Variants in TMEM232 observed in about 807,000 individuals in gnomAD.
The protein encoded by TMEM232 is transmembrane protein 232.
In TMEM232, 80 loss-of-function variants were observed where a neutral mutation model predicts 78.8. The ratio of observed to expected loss-of-function variants is 1.01; its 90% CI spans 0.85 to 1.22. The LOEUF (loss-of-function observed/expected upper bound fraction) is 1.22. Among genes scored for constraint, TMEM232 ranks in the 50% most tolerant of loss-of-function variants. The pLI is 0.00. For missense variants in TMEM232, 881 were observed against 742.2 expected (o/e 1.19, Z -2.17); for synonymous variants, 297 against 254.3 (o/e 1.17, Z -1.60).
chr5:110,618,278 C>T (rs1021364618), intron 8 of TMEM232, 151 bp downstream of exon 8: 5 of 938,774 alleles, frequency 5.3e-6, no homozygotes, highest in South Asian at 3.5e-5. Context: ...TAATACTAAA[C>T]ATGTAAATTG....
chr5:110,702,401 C>T (rs183382343), intron 1 of TMEM232, among the ~76,000 whole-genome samples: 2 of 152,108 alleles, frequency 1.3e-5, no homozygotes, highest in African/African-American at 4.8e-5. Flanking sequence ...CTCCTTAAGG[C>T]CACTCAGGAA....
chr5:110,620,760 T>C (rs1054634466), intron 7 of TMEM232, among the ~76,000 whole-genome samples: 4 of 151,606 alleles, frequency 2.6e-5, no homozygotes, highest in African/African-American at 7.3e-5. Flanking sequence ...CAGTAGAACA[T>C]TGACATCATC....
At chr5:110,665,902 A>G (rs573973886) in intron 2 of TMEM232, among the ~76,000 whole-genome samples, 1 of 151,660 alleles carries the variant, frequency 6.6e-6, no homozygotes, top group African/African-American at 2.4e-5. Flanking sequence ...AAAAAAAAAA[A>G]AAAAAAAAAA....
chr5:110,612,144 T>C (rs2149860886), intron 8 of TMEM232, among the ~76,000 whole-genome samples: 1 of 152,248 alleles, frequency 6.6e-6, no homozygotes, highest in South Asian at 2.1e-4. Flanking sequence ...CAAAAGCTCT[T>C]TGAGGTTGCT....
At chr5:110,684,831 G>C (rs1047794644) in intron 1 of TMEM232, 1 of 151,948 alleles carries the variant, frequency 6.6e-6, no homozygotes, top group Non-Finnish European at 1.5e-5. Flanking sequence ...CAAGGCACAG[G>C]ACCTGGGCTG....
Position 110,391,326 on chromosome 5 carries a change from T to TGTGTGTGAGAGAGAGA in TMEM232, n.391-687_391-686insTCTCTCTCTCACACAC, listed in dbSNP as rs549361387. Among the ~76,000 whole-genome samples the TGTGTGTGAGAGAGAGA allele has an allele frequency of 6.4e-5, 9 of 139,814 alleles. 1 individual carries two copies. Among genetic ancestry groups the TGTGTGTGAGAGAGAGA allele is most frequent in the East Asian group, 4.3e-4 (2 of 4,630 alleles). The allele number at this position is 139,814 out of a possible 152,430, so 91.7% of individuals were successfully genotyped here. On this transcript the variant is annotated intron_variant and non_coding_transcript_variant, in intron 3 of 8. Transcript: ENST00000507188. ...GTGTGTGTGTGTGTGTGTGTGTGTG[T>TGTGTGTGAGAGAGAGA]GAGAGAGAGAGAGAGAGAGAGAAAC...
intron 1 of TMEM232, among the ~76,000 whole-genome samples, chr5:110,701,512 A>G (rs932446271): frequency 2.0e-5 from 3 of 151,936 alleles, no homozygotes; most frequent in African/African-American, 7.2e-5. Context: ...ATTATTAACA[A>G]TATTATGATT....
At chr5:110,442,144 G>C (rs191944938) in intron 12 of TMEM232, among the ~76,000 whole-genome samples, 1 of 152,112 alleles carries the variant, frequency 6.6e-6, no homozygotes, top group Admixed American at 6.5e-5. Flanking sequence ...TCTTTTACTT[G>C]AATGTTGATA....
In TMEM232 at chr5:110,657,384, AGTGTGTGT is replaced by A. The variant is rs56213934; in HGVS notation, c.125+9836_125+9843del. On this transcript the variant is annotated intron_variant, in intron 2 of 13. Coordinates refer to ENST00000455884, the MANE Select transcript of TMEM232 (RefSeq NM_001039763.4). ...CTAATGATGAATGGATATCTATCTG[AGTGTGTGT>A]GTGTGTGTGTGTGTGTAGTAGAATA... 5.5e-3 allele frequency among the ~76,000 whole-genome samples: 814 copies of A among 149,312 alleles called. 6 individuals carry two copies. The highest frequency in any genetic ancestry group is 0.019 in the African/African-American group (770 of 40,824).
chr5:110,515,808 C>T (rs1768541973), intron 12 of TMEM232, among the ~76,000 whole-genome samples: 1 of 152,178 alleles, frequency 6.6e-6, no homozygotes, highest in Admixed American at 6.6e-5. Context: ...AGGAGGAGCA[C>T]TAGCCTTGGG....
chr5:110,666,250 A>G (rs1054123192), intron 2 of TMEM232, among the ~76,000 whole-genome samples: 2 of 152,152 alleles, frequency 1.3e-5, no homozygotes, highest in African/African-American at 4.8e-5. Flanking sequence ...ATTATACTCC[A>G]TTCTTGATGA....
At chr5:110,626,653 TA>T (rs1443705753) in intron 6 of TMEM232, among the ~76,000 whole-genome samples, 1 of 152,106 alleles carries the variant, frequency 6.6e-6, no homozygotes, top group Non-Finnish European at 1.5e-5. Context: ...TTTTTTGAAA[TA>T]GTTCACAATT....
At chr5:110,421,772 C>T (rs923044905) in intron 13 of TMEM232, among the ~76,000 whole-genome samples, 1 of 152,008 alleles carries the variant, frequency 6.6e-6, no homozygotes, top group Non-Finnish European at 1.5e-5. Flanking sequence ...TCAGCTTTGA[C>T]GAATGCATTA....
rs934307865 is a variant in TMEM232 at position 110,703,239 on chromosome 5, G to A, written c.-13+23388C>T. On this transcript the variant is annotated intron_variant, in intron 1 of 13. Transcript: ENST00000455884. Reference sequence around the variant, plus strand: ...AAAAAGGCAGATATAGCTAATCAAGGGGGAGTGCTACCTCCCAACAAAAGC... The same window carrying A: ...AAAAAGGCAGATATAGCTAATCAAGAGGGAGTGCTACCTCCCAACAAAAGC... Among the ~76,000 whole-genome samples, 8 of 152,092 alleles carry A rather than the reference G, an allele frequency of 5.3e-5. No individual in the cohort carries two copies. In the South Asian group the frequency reaches 1.7e-3, roughly 32 times the overall value.
chr5:110,699,560 A>G (rs1258100249), intron 1 of TMEM232, among the ~76,000 whole-genome samples: 1 of 152,114 alleles, frequency 6.6e-6, no homozygotes, highest in East Asian at 1.9e-4. Context: ...AGAATGGGAT[A>G]GAATTTCAAA....
intron 7 of TMEM232, 113 bp from the exon 8 acceptor site, chr5:110,618,675 T>A: frequency 9.1e-7 from 1 of 1,101,884 alleles, no homozygotes; most frequent in South Asian, 1.7e-5. Flanking sequence ...AAAATGCATA[T>A]TCTCTTACAC....
At chr5:110,657,992 C>T (rs576017300) in intron 2 of TMEM232, among the ~76,000 whole-genome samples, 13 of 152,154 alleles carry the variant, frequency 8.5e-5, no homozygotes, top group African/African-American at 2.6e-4. Flanking sequence ...GAAGTACCAG[C>T]AGAATGAAAG....
chr5:110,663,440 T>C (rs1333813246), intron 2 of TMEM232, among the ~76,000 whole-genome samples: 1 of 152,056 alleles, frequency 6.6e-6, no homozygotes, highest in Non-Finnish European at 1.5e-5. Context: ...TTTAGTAGCA[T>C]AGTTATTAGG....
intron 12 of TMEM232, among the ~76,000 whole-genome samples, chr5:110,485,550 C>A (rs1764369437): frequency 6.6e-6 from 1 of 152,160 alleles, no homozygotes; most frequent in South Asian, 2.1e-4. Flanking sequence ...TCAGTGAGAA[C>A]ATACAATGTT....
Sources: gnomAD v4.1 joint callset for allele counts (sites outside exome capture counted in the v4.1 genomes callset) on GRCh38, gnomAD v4.1.1 for gene constraint, MANE v1.5 for transcripts, NCBI Gene and HGNC (gene_info 2026-07-23, HGNC 2026-07-21) for gene names.